IQCH: variants seen among roughly 807,000 people sequenced by gnomAD.
The protein encoded by IQCH is IQ motif containing H.
IQCH carries 98 observed loss-of-function variants against 117.0 expected under a neutral mutation model. The observed-to-expected ratio is 0.84, with a 90% confidence interval of 0.71 to 0.99. IQCH has a LOEUF of 0.99. IQCH is among the 50% of genes least tolerant of loss of function. The pLI, the probability that IQCH is intolerant of heterozygous loss-of-function variation, is 0.00. For missense variants in IQCH, 1,102 were observed against 1,243.8 expected (o/e 0.89, Z 1.72); for synonymous variants, 412 against 448.2 (o/e 0.92, Z 1.02).
chr15:67,273,499 A>G (rs1405300248), intron 3 of IQCH, among the ~76,000 whole-genome samples: 1 of 152,198 alleles, frequency 6.6e-6, no homozygotes, highest in Non-Finnish European at 1.5e-5. Flanking sequence ...AGATAATGTT[A>G]TCTTAGATCA....
Position 67,490,078 on chromosome 15 carries a change from G to GT in IQCH, c.2861+15dup, listed in dbSNP as rs754520337. On this transcript the variant is annotated intron_variant, in intron 19 of 20. Transcript: ENST00000335894. This position sits in a 1 kb window ranked among gnomAD's most constrained non-coding sequence, Gnocchi z 4.9. ...GTTGGGAATGTTGTGAGTATGAAGT[G>GT]TATCTGTGAGTTGCAATAAGCTAAG... The GT allele has an allele frequency of 1.9e-6, 3 of 1,558,378 alleles. No individual in the cohort carries two copies. The East Asian group carries it at 6.8e-5, about 35-fold the overall frequency.
chr15:67,262,757 T>G (rs972850487), intron 2 of IQCH, among the ~76,000 whole-genome samples: 1 of 152,034 alleles, frequency 6.6e-6, no homozygotes, highest in East Asian at 1.9e-4. Context: ...TGGTGGCATG[T>G]GCCTGTGGTC....
chr15:67,455,338 A>G (rs1371829322), intron 16 of IQCH, among the ~76,000 whole-genome samples: 1 of 152,016 alleles, frequency 6.6e-6, no homozygotes, highest in African/African-American at 2.4e-5. Flanking sequence ...AGGGCTCTGA[A>G]CTCTGGTCTG....
chr15:67,472,778 G>A lies in IQCH; in HGVS notation c.2677-2918G>A, dbSNP rs1461473550. Among the ~76,000 whole-genome samples, 2 of 152,104 alleles carry A rather than the reference G, an allele frequency of 1.3e-5. No homozygotes were observed. The highest frequency in any genetic ancestry group is 2.9e-5 in the Non-Finnish European group (2 of 68,032). ...TGACTCTCCAGGCAATAAAGGTCTG[G>A]ACTAGGATGGTGATGGTTATGGAAA... On this transcript the variant is annotated intron_variant, in intron 17 of 20. Coordinates refer to ENST00000335894, the MANE Select transcript of IQCH (RefSeq NM_001031715.3). This position sits in a 1 kb window ranked among gnomAD's most constrained non-coding sequence, Gnocchi z 4.3.
Position 67,424,328 on chromosome 15 carries a change from C to T in IQCH, c.2505+2751C>T, listed in dbSNP as rs1440398913. ...TCAGCTCAAGCCACATTGACTGAAG[C>T]GCTTCCTGACCTTCCTGACAAAGTC... On this transcript the variant is annotated intron_variant, in intron 16 of 20. Transcript: ENST00000335894. This position sits in a 1 kb window ranked among gnomAD's most constrained non-coding sequence, Gnocchi z 4.9. Among the ~76,000 whole-genome samples, 5 of 152,180 alleles carry T rather than the reference C, an allele frequency of 3.3e-5. No homozygotes were observed. The highest frequency in any genetic ancestry group is 2.1e-4 in the South Asian group (1 of 4,834).
rs1225918574 is a variant in IQCH at position 67,387,631 on chromosome 15, G to T, written c.1457-1200G>T. Among the ~76,000 whole-genome samples the T allele has an allele frequency of 1.3e-5, 2 of 152,104 alleles. No individual in the cohort carries two copies. Among genetic ancestry groups the T allele is most frequent in the Non-Finnish European group, 2.9e-5 (2 of 68,014 alleles). ...GAATCACTGTTGGCCAGCCTAGTCA[G>T]GGTGGGCCAGGAGCACATTCACACA... On this transcript the variant is annotated intron_variant, in intron 11 of 20. Coordinates refer to ENST00000335894, the MANE Select transcript of IQCH (RefSeq NM_001031715.3). The surrounding 1 kb of genome is among the most constrained non-coding windows in gnomAD (Gnocchi z 4.8).
chr15:67,462,886 A>G (rs2082832931), intron 16 of IQCH, among the ~76,000 whole-genome samples: 1 of 152,210 alleles, frequency 6.6e-6, no homozygotes, highest in Non-Finnish European at 1.5e-5. Context: ...ATACAGCAGG[A>G]AATATTTAAG....
chr15:67,482,450 T>A lies in IQCH; in HGVS notation c.2799+6632T>A, dbSNP rs564549879. On this transcript the variant is annotated intron_variant, in intron 18 of 20. Coordinates refer to ENST00000335894, the MANE Select transcript of IQCH (RefSeq NM_001031715.3). ...TTCAGATCAAGAGAGCCAGACCTGATCTAGAAGATATCATGGATCACCCAT... is the reference window on the plus strand; with the variant it reads ...TTCAGATCAAGAGAGCCAGACCTGAACTAGAAGATATCATGGATCACCCAT... 2.0e-5 allele frequency among the ~76,000 whole-genome samples: 3 copies of A among 152,366 alleles called. No individual in the cohort carries two copies. In the South Asian group the frequency reaches 6.2e-4, roughly 32 times the overall value.
intron 4 of IQCH, among the ~76,000 whole-genome samples, chr15:67,329,578 C>T (rs1260705843): frequency 6.6e-6 from 1 of 152,072 alleles, no homozygotes; most frequent in Non-Finnish European, 1.5e-5. Flanking sequence ...CTCAAGCAAT[C>T]CTCTCACCTC....
chr15:67,343,728 AAG>A (rs1024073445), intron 5 of IQCH, among the ~76,000 whole-genome samples: 8 of 152,218 alleles, frequency 5.3e-5, no homozygotes, highest in African/African-American at 1.9e-4. Flanking sequence ...GAATTTTAAA[AAG>A]AGTAATAATA....
chr15:67,456,344 G>C lies in IQCH; in HGVS notation c.2506-8783G>C, dbSNP rs2082656723. Among the ~76,000 whole-genome samples the C allele has an allele frequency of 6.6e-6, 1 of 152,154 alleles. No individual in the cohort carries two copies. Among genetic ancestry groups the C allele is most frequent in the African/African-American group, 2.4e-5 (1 of 41,440 alleles). ...CTAATGCTGGCAATGAAGTGTCATA[G>C]AAAGAACTAGCCTGGAAGTCAGGAA... On this transcript the variant is annotated intron_variant, in intron 16 of 20. Transcript: ENST00000335894. The surrounding 1 kb of genome is among the most constrained non-coding windows in gnomAD (Gnocchi z 5.1).
At chr15:67,262,976 C>T in intron 2 of IQCH, 146 bp from the exon 3 acceptor site, 1 of 624,688 alleles carries the variant, frequency 1.6e-6, no homozygotes, top group Non-Finnish European at 2.8e-6. Flanking sequence ...CTTGAGATGC[C>T]TAATGATACC....
chr15:67,329,385 A>T (rs1968560860), intron 4 of IQCH, among the ~76,000 whole-genome samples: 1 of 152,160 alleles, frequency 6.6e-6, no homozygotes, highest in Non-Finnish European at 1.5e-5. Context: ...TATGGAGTGC[A>T]TCTCCATATA....
intron 16 of IQCH, among the ~76,000 whole-genome samples, chr15:67,438,844 A>T (rs2082198872): frequency 6.6e-6 from 1 of 152,268 alleles, no homozygotes. Flanking sequence ...ACCTTGTCCA[A>T]CAGGAAAATA....
At position 67,401,918 on chromosome 15, in the gene IQCH, A is replaced by T. The variant is rs1490395177; in HGVS notation, c.2097+1613A>T. Among the ~76,000 whole-genome samples, 1 of 152,162 alleles carries T rather than the reference A, an allele frequency of 6.6e-6. No homozygotes were observed. The highest frequency in any genetic ancestry group is 1.5e-5 in the Non-Finnish European group (1 of 68,046). Reference sequence around the variant, plus strand: ...GCAACACTGTTAAGATTAAACCATAAAAATATGGTTTTTTAATTTAAAACA... The same window carrying T: ...GCAACACTGTTAAGATTAAACCATATAAATATGGTTTTTTAATTTAAAACA... On this transcript the variant is annotated intron_variant, in intron 14 of 20. Transcript: ENST00000335894. The surrounding 1 kb of genome is among the most constrained non-coding windows in gnomAD (Gnocchi z 4.7).
In IQCH at chr15:67,456,166, T is replaced by G. The variant is rs778823266; in HGVS notation, c.2506-8961T>G. Among the ~76,000 whole-genome samples, 1 of 151,872 alleles carries G rather than the reference T, an allele frequency of 6.6e-6. No individual in the cohort carries two copies. The highest frequency in any genetic ancestry group is 1.5e-5 in the Non-Finnish European group (1 of 67,954). On this transcript the variant is annotated intron_variant, in intron 16 of 20. Transcript: ENST00000335894. This position sits in a 1 kb window ranked among gnomAD's most constrained non-coding sequence, Gnocchi z 5.1. ...GATTTGTGATTTTTTTTTACAAAGGTGAAAAGTATAAATACAGCTGCCGAT... is the reference window on the plus strand; with the variant it reads ...GATTTGTGATTTTTTTTTACAAAGGGGAAAAGTATAAATACAGCTGCCGAT...
rs1439489663 is a variant in IQCH, at chr15:67,373,422, T to G, written c.1361T>G (p.Ile454Ser). The stretch of plus-strand genomic sequence containing the variant: ...ACCTCCAGGAGGACTATTATCCATA[T>G]CCCATCATTAGGTATAACACTTTTG... ...IRTSRRTIIHIPSLGYSQPVR... is the reference protein window; with the variant it reads ...IRTSRRTIIHSPSLGYSQPVR... Residue 454 changes from isoleucine to serine, a missense_variant, in exon 10 of 21, where the codon ATC becomes AGC. Transcript: ENST00000335894. The G allele has an allele frequency of 6.2e-7, 1 of 1,608,166 alleles. No homozygotes were observed. The highest frequency in any genetic ancestry group is 8.5e-7 in the Non-Finnish European group (1 of 1,174,872).
rs754949727 is a variant in IQCH at position 67,458,852 on chromosome 15, C to T, written c.2506-6275C>T. Among the ~76,000 whole-genome samples, 1 of 152,206 alleles carries T rather than the reference C, an allele frequency of 6.6e-6. No homozygotes were observed. Among genetic ancestry groups the T allele is most frequent in the Non-Finnish European group, 1.5e-5 (1 of 68,040 alleles). On this transcript the variant is annotated intron_variant, in intron 16 of 20. Coordinates refer to ENST00000335894, the MANE Select transcript of IQCH (RefSeq NM_001031715.3). This position sits in a 1 kb window ranked among gnomAD's most constrained non-coding sequence, Gnocchi z 4.1. ...CAACCAGCTACTGAGCATGATGGGCCGTGTATCACAGTTCACCCTGAAGGC... is the reference window on the plus strand; with the variant it reads ...CAACCAGCTACTGAGCATGATGGGCTGTGTATCACAGTTCACCCTGAAGGC...
chr15:67,286,905 G>T (rs557696270), intron 4 of IQCH, among the ~76,000 whole-genome samples: 1 of 152,052 alleles, frequency 6.6e-6, no homozygotes, highest in African/African-American at 2.4e-5. Context: ...GAGCCACCAC[G>T]CCCGGCCTAT....
Sources: allele counts gnomAD v4.1 joint callset (sites outside exome capture counted in the v4.1 genomes callset), GRCh38; gene constraint gnomAD v4.1.1; non-coding constraint Gnocchi (gnomAD v3.1); transcripts MANE v1.5; gene names NCBI Gene and HGNC (gene_info 2026-07-23, HGNC 2026-07-21).